KIAA0319L: variants seen among roughly 807,000 people sequenced by gnomAD.
KIAA0319L encodes KIAA0319 like.
In KIAA0319L, 55 loss-of-function variants were observed where a neutral mutation model predicts 120.1. That is an observed-to-expected ratio of 0.46 (90% CI 0.37 to 0.57). KIAA0319L has a LOEUF of 0.57. KIAA0319L is among the 20% of genes least tolerant of loss of function. KIAA0319L has a pLI of 0.00. For synonymous variants in KIAA0319L, 398 were observed against 471.9 expected, an observed-to-expected ratio of 0.84 and a Z score of 2.03; for missense variants, 1,049 against 1,255.3, an observed-to-expected ratio of 0.84 and a Z score of 2.48.
intron 13 of KIAA0319L, among the ~76,000 whole-genome samples, 181 bp from the exon 14 acceptor site, chr1:35,450,690 T>C (rs1321669705): frequency 6.6e-6 from 1 of 152,172 alleles, no homozygotes; most frequent in Non-Finnish European, 1.5e-5. Flanking sequence ...AGTCCTGAGG[T>C]TCCAGTCCTA....
In KIAA0319L at chr1:35,451,649, C is replaced by A. The variant is rs773581374; in HGVS notation, c.2041G>T (p.Val681Leu). The change falls in exon 13 of 21, where the codon GTG (valine) becomes TTG (leucine). Residue 681 changes from valine (V) to leucine (L), a missense_variant. By Grantham distance (32) the Val-to-Leu change is conservative. Transcript: ENST00000325722. ...GTACCTTCTTTGACAATGACATTCACAGAGCTCTGGCTTTGCAGGTTCCTC... is the reference window on the plus strand; with the variant it reads ...GTACCTTCTTTGACAATGACATTCAAAGAGCTCTGGCTTTGCAGGTTCCTC... ...DERNLQSQSS[V>L]NVIVKEEINK... 1 of 1,614,100 alleles carries A rather than the reference C, an allele frequency of 6.2e-7. No individual in the cohort carries two copies. Among genetic ancestry groups the A allele is most frequent in the South Asian group, 1.1e-5 (1 of 91,076 alleles).
chr1:35,457,376 G>C (rs1642552213), intron 9 of KIAA0319L, among the ~76,000 whole-genome samples: 1 of 151,930 alleles, frequency 6.6e-6, no homozygotes. Context: ...GGACATCCTA[G>C]GCAGACAGCC....
At chr1:35,458,345 C>A (rs1218375146) in intron 9 of KIAA0319L, among the ~76,000 whole-genome samples, 10 of 152,158 alleles carry the variant, frequency 6.6e-5, no homozygotes, top group Non-Finnish European at 1.0e-4. Context: ...CTCAAACAGT[C>A]CCTGGCTTGC....
At chr1:35,529,438 A>G (rs1340471361) in intron 2 of KIAA0319L, among the ~76,000 whole-genome samples, 2 of 152,156 alleles carry the variant, frequency 1.3e-5, no homozygotes, top group Non-Finnish European at 2.9e-5. Context: ...GATGGTAGAT[A>G]TTATCCTTTC....
At chr1:35,518,741 C>T (rs186071356) in intron 2 of KIAA0319L, among the ~76,000 whole-genome samples, 116 of 152,206 alleles carry the variant, frequency 7.6e-4, no homozygotes, top group South Asian at 2.9e-3. Flanking sequence ...CAGTGGCTCA[C>T]GCCTGTAATC....
chr1:35,457,137 G>C (rs1417198870), intron 9 of KIAA0319L, among the ~76,000 whole-genome samples: 1 of 152,122 alleles, frequency 6.6e-6, no homozygotes, highest in Non-Finnish European at 1.5e-5. Flanking sequence ...AGGCATCATT[G>C]ATTCCAGTTT....
rs546537845 is a variant in KIAA0319L at position 35,543,890 on chromosome 1, A to T, written c.142+10460T>A. Among the ~76,000 whole-genome samples the T allele has an allele frequency of 3.9e-5, 6 of 152,320 alleles. No homozygotes were observed. In the South Asian group the frequency reaches 1.2e-3, roughly 32 times the overall value. ...GCATGGCAGTTAGGTGCAGATGAAG[A>T]TCAAAATATTATCTTTATAGTAAGT... On this transcript the variant is annotated intron_variant, in intron 2 of 20. Transcript: ENST00000325722.
At chr1:35,519,502 T>C (rs894419172) in intron 2 of KIAA0319L, among the ~76,000 whole-genome samples, 1 of 152,176 alleles carries the variant, frequency 6.6e-6, no homozygotes, top group Admixed American at 6.5e-5. Flanking sequence ...ATTATTTATC[T>C]TCCTGTTACA....
chr1:35,467,186 C>T (rs1490745849), intron 6 of KIAA0319L, among the ~76,000 whole-genome samples: 1 of 151,886 alleles, frequency 6.6e-6, no homozygotes, highest in East Asian at 1.9e-4. Flanking sequence ...TATCTCTGTA[C>T]TCCCATTTTC....
intron 4 of KIAA0319L, among the ~76,000 whole-genome samples, chr1:35,478,412 A>C (rs1644000204): frequency 1.3e-5 from 2 of 152,154 alleles, no homozygotes; most frequent in African/African-American, 4.8e-5. Flanking sequence ...AACTAAAATA[A>C]TATAACTGGA....
chr1:35,548,944 A>G (rs1366195604), intron 2 of KIAA0319L, among the ~76,000 whole-genome samples: 1 of 152,160 alleles, frequency 6.6e-6, no homozygotes, highest in Non-Finnish European at 1.5e-5. Flanking sequence ...TTCAGGCATC[A>G]GCTTCTCTAG....
At chr1:35,551,421 G>A (rs1647194821) in intron 2 of KIAA0319L, among the ~76,000 whole-genome samples, 1 of 152,072 alleles carries the variant, frequency 6.6e-6, no homozygotes, top group South Asian at 2.1e-4. Flanking sequence ...GGGTTCAAGC[G>A]ATTCTCCTGC....
At chr1:35,503,665 GCCT>G (rs1231307740) in intron 3 of KIAA0319L, among the ~76,000 whole-genome samples, 1 of 151,942 alleles carries the variant, frequency 6.6e-6, no homozygotes, top group Non-Finnish European at 1.5e-5. Flanking sequence ...TGCCTGAAAA[GCCT>G]CCTATTTTAC....
chr1:35,448,062 C>CGG, intron 16 of KIAA0319L, 111 bp downstream of exon 16: 1 of 1,036,570 alleles, frequency 9.6e-7, no homozygotes, highest in Non-Finnish European at 1.4e-6. Context: ...ATGAGTGTTT[C>CGG]TGGTCAGAAA....
rs112444285 is a variant in KIAA0319L at position 35,489,083 on chromosome 1, T to C, written c.667-9871A>G. On this transcript the variant is annotated intron_variant, in intron 3 of 20. Transcript: ENST00000325722. ...AAAACTTAATGATAGAGTTGAGTAT[T>C]ATGCAAATATTTAGGAGAGCATCTG... Among the ~76,000 whole-genome samples, 63 of 152,290 alleles carry C rather than the reference T, an allele frequency of 4.1e-4. 1 individual carries two copies. The highest frequency in any genetic ancestry group is 1.5e-3 in the African/African-American group (63 of 41,568).
intron 2 of KIAA0319L, among the ~76,000 whole-genome samples, chr1:35,551,651 A>T (rs1003105181): frequency 6.9e-6 from 1 of 145,132 alleles, no homozygotes; most frequent in African/African-American, 2.7e-5. Context: ...TATTCCTTTT[A>T]AAAAAAAAAT....
chr1:35,518,861 G>A (rs1439054407), intron 2 of KIAA0319L, among the ~76,000 whole-genome samples: 5 of 151,710 alleles, frequency 3.3e-5, no homozygotes, highest in East Asian at 1.9e-4. Context: ...AAAATTAGCC[G>A]GGCATGGTGG....
chr1:35,495,344 G>T (rs1410787232), intron 3 of KIAA0319L, among the ~76,000 whole-genome samples: 1 of 152,170 alleles, frequency 6.6e-6, no homozygotes, highest in East Asian at 1.9e-4. Flanking sequence ...CTGCACTCCA[G>T]CCCAGGTGAG....
chr1:35,541,830 C>T (rs749529216), intron 2 of KIAA0319L, among the ~76,000 whole-genome samples: 5 of 152,180 alleles, frequency 3.3e-5, no homozygotes, highest in Non-Finnish European at 7.3e-5. Flanking sequence ...GGCAGCAGAA[C>T]AGAGTCCTCT....
Sources: gnomAD v4.1 joint callset for allele counts (sites outside exome capture counted in the v4.1 genomes callset) on GRCh38, gnomAD v4.1.1 for gene constraint, MANE v1.5 for transcripts, NCBI Gene and HGNC (gene_info 2026-07-23, HGNC 2026-07-21) for gene names.